NHSL1: variants seen among roughly 807,000 people sequenced by gnomAD.
NHSL1 encodes the protein NHS-like protein 1.
NHSL1 carries 48 observed loss-of-function variants against 95.0 expected under a neutral mutation model. The ratio of observed to expected loss-of-function variants is 0.51; its 90% confidence interval spans 0.40 to 0.64. The LOEUF is 0.64. NHSL1 is among the 30% of genes least tolerant of loss of function. NHSL1 has a pLI of 0.00. For synonymous variants in NHSL1, 783 were observed against 833.9 expected (o/e 0.94, Z 1.05); for missense variants, 1,971 against 2,077.7 (o/e 0.95, Z 1.00).
chr6:138,493,013 T>C (rs775698412), intron 2 of NHSL1, among the ~76,000 whole-genome samples: 50 of 152,256 alleles, frequency 3.3e-4, no homozygotes, highest in Admixed American at 5.9e-4. Flanking sequence ...TCTTCACTGA[T>C]AATGAGGTAA....
rs1780346579 is a variant in NHSL1, at chr6:138,496,298, C to A, written c.132G>T (p.Val44=). Residue 44 remains valine (V), a synonymous_variant, in exon 2 of 8, where the codon GTG becomes GTT. Coordinates refer to ENST00000343505, the MANE Select transcript of NHSL1 (RefSeq NM_001144060.2). ...YTAPWHQQEN[V]FLPTTRPPCV... Reference sequence around the variant, plus strand: ...AGGGGGGTCTTGTGGTGGGAAGGAACACATTCTCCTGCTGGTGCCACGGGG... The same window carrying A: ...AGGGGGGTCTTGTGGTGGGAAGGAAAACATTCTCCTGCTGGTGCCACGGGG... The A allele has an allele frequency of 1.3e-6, 2 of 1,550,888 alleles. No homozygotes were observed. Among genetic ancestry groups the A allele is most frequent in the Admixed American group, 3.9e-5 (2 of 50,990 alleles).
chr6:138,647,364 T>C (rs971034975), intron 1 of NHSL1, among the ~76,000 whole-genome samples: 2 of 152,240 alleles, frequency 1.3e-5, no homozygotes, highest in Non-Finnish European at 2.9e-5. Context: ...GAATCAGATC[T>C]GTCTACAAAA....
At chr6:138,562,799 C>T (rs1783463131) in intron 1 of NHSL1, among the ~76,000 whole-genome samples, 1 of 152,110 alleles carries the variant, frequency 6.6e-6, no homozygotes, top group Non-Finnish European at 1.5e-5. Context: ...TGGTTCTAAC[C>T]CCTAATGCTC....
chr6:138,424,682 C>T lies in NHSL1; in HGVS notation c.4220G>A (p.Arg1407Lys). 6.4e-7 allele frequency: 1 copy of T among 1,551,648 alleles called. No individual in the cohort carries two copies. The highest frequency in any genetic ancestry group is 8.7e-7 in the Non-Finnish European group (1 of 1,147,010). ...ASPKQVGSIQ[R>K]SIRKSSTSSD... ...GCTGGTGCTGCTCTTTCGGATGCTT[C>T]TCTGAATCGACCCCACTTGCTTTGG... Residue 1407 changes from arginine to lysine, a missense_variant, in exon 8 of 8, where the codon AGA (arginine) becomes AAA (lysine). Arg to Lys is a conservative substitution (Grantham distance 26). Transcript: ENST00000343505. This position sits in a 1 kb window ranked among gnomAD's most constrained non-coding sequence, Gnocchi z 5.9.
At chr6:138,437,345 C>CACACAT (rs1554222016) in intron 5 of NHSL1, among the ~76,000 whole-genome samples, 12 of 96,394 alleles carry the variant, frequency 1.2e-4, no homozygotes, top group African/African-American at 5.4e-4. Flanking sequence ...TATATATACA[C>CACACAT]ATATATATAT....
At position 138,524,683 on chromosome 6, in the gene NHSL1, T is replaced by C. The variant is rs146997992; in HGVS notation, c.16+20940A>G. On this transcript the variant is annotated intron_variant, in intron 1 of 4. Transcript: ENST00000342260. ...CATTTGGTAAACATTAAGTATCTCG[T>C]TATGGTGGGTATAATCCCAGAAGGG... Among the ~76,000 whole-genome samples the C allele has an allele frequency of 6.2e-3, 946 of 152,230 alleles. 24 individuals are homozygous for C. Among genetic ancestry groups the C allele is most frequent in the Admixed American group, 0.048 (735 of 15,278 alleles).
intron 1 of NHSL1, among the ~76,000 whole-genome samples, chr6:138,523,651 A>AAAAAC: frequency 6.6e-6 from 1 of 151,502 alleles, no homozygotes; most frequent in Non-Finnish European, 1.5e-5. Context: ...AAAAAAAAAA[A>AAAAAC]ACAGAGCTAA....
At chr6:138,551,418 G>A (rs1474986056) in intron 1 of NHSL1, among the ~76,000 whole-genome samples, 2 of 152,176 alleles carry the variant, frequency 1.3e-5, no homozygotes, top group Non-Finnish European at 2.9e-5. Flanking sequence ...GGATGCAAGA[G>A]ATTGGAGATG....
At chr6:138,684,412 C>G (rs1785555231) in intron 1 of NHSL1, among the ~76,000 whole-genome samples, 1 of 151,966 alleles carries the variant, frequency 6.6e-6, no homozygotes, top group East Asian at 2.0e-4. Context: ...CTTTGGGAGG[C>G]CAAGGCGGGC....
intron 1 of NHSL1, among the ~76,000 whole-genome samples, chr6:138,536,574 C>T (rs573974947): frequency 1.0e-4 from 15 of 145,068 alleles, no homozygotes; most frequent in Admixed American, 4.2e-4. Context: ...TTATAGATTC[C>T]GTGGTTTTGG....
chr6:138,607,701 G>C (rs1260545641), intron 1 of NHSL1, among the ~76,000 whole-genome samples: 1 of 152,186 alleles, frequency 6.6e-6, no homozygotes. Context: ...GTCATAATCG[G>C]AGTGGGGTTT....
At chr6:138,617,172 C>A (rs921227440) in intron 1 of NHSL1, among the ~76,000 whole-genome samples, 4 of 152,030 alleles carry the variant, frequency 2.6e-5, no homozygotes, top group Admixed American at 2.0e-4. Context: ...AAAAGGTGAC[C>A]ACATGGCAAT....
chr6:138,481,297 T>G (rs1242913487), intron 2 of NHSL1, among the ~76,000 whole-genome samples: 3 of 152,308 alleles, frequency 2.0e-5, no homozygotes, highest in South Asian at 2.1e-4. Flanking sequence ...AGAAGGGATT[T>G]ATTTACCTAC....
At chr6:138,451,889 T>C (rs1287146970) in intron 3 of NHSL1, among the ~76,000 whole-genome samples, 1 of 152,116 alleles carries the variant, frequency 6.6e-6, no homozygotes, top group Non-Finnish European at 1.5e-5. Context: ...GCTATACAAG[T>C]AAAAAAACAG....
chr6:138,624,108 G>A (rs916235041), intron 1 of NHSL1, among the ~76,000 whole-genome samples: 7 of 152,136 alleles, frequency 4.6e-5, no homozygotes, highest in African/African-American at 9.7e-5. Flanking sequence ...ACTAATACAA[G>A]AGGTCATCAA....
intron 1 of NHSL1, among the ~76,000 whole-genome samples, chr6:138,592,658 T>A (rs1442635284): frequency 6.6e-6 from 1 of 151,620 alleles, no homozygotes; most frequent in Non-Finnish European, 1.5e-5. Flanking sequence ...CCCCTACATA[T>A]CCAGAACTAA....
At chr6:138,437,393 T>TATATATATACAC (rs1776228082) in intron 5 of NHSL1, among the ~76,000 whole-genome samples, 19 of 110,096 alleles carry the variant, frequency 1.7e-4, no homozygotes, top group African/African-American at 6.9e-4. Context: ...TATACACATA[T>TATATATATACAC]ATATATATAT....
Position 138,424,418 on chromosome 6 carries a change from G to A in NHSL1, c.4484C>T (p.Pro1495Leu), listed in dbSNP as rs1472145718. The A allele has an allele frequency of 1.3e-6, 2 of 1,550,172 alleles. No homozygotes were observed. The highest frequency in any genetic ancestry group is 2.7e-5 in the African/African-American group (2 of 73,124). ...LMPRSLSFSG[P>L]RYGRSRTPPS... The stretch of plus-strand genomic sequence containing the variant: ...CGGCGTTCGGCTGCGGCCGTACCTG[G>A]GGCCGGAAAAGGACAGACTCCGAGG... Residue 1495 changes from proline (P) to leucine (L), a missense_variant, in exon 8 of 8, where the codon CCC becomes CTC. Physicochemically the swap from Pro to Leu is moderately conservative, Grantham distance 98. Transcript: ENST00000343505. This position sits in a 1 kb window ranked among gnomAD's most constrained non-coding sequence, Gnocchi z 5.9.
chr6:138,653,384 T>C (rs1272968429), intron 1 of NHSL1, among the ~76,000 whole-genome samples: 1 of 151,986 alleles, frequency 6.6e-6, no homozygotes, highest in Non-Finnish European at 1.5e-5. Context: ...TGAAACCCCG[T>C]CTCTACTAAA....
Sources: gnomAD v4.1 joint callset for allele counts (sites outside exome capture counted in the v4.1 genomes callset) on GRCh38, gnomAD v4.1.1 for gene constraint, Gnocchi (gnomAD v3.1) non-coding constraint, MANE v1.5 for transcripts, NCBI Gene and HGNC (gene_info 2026-07-23, HGNC 2026-07-21) for gene names.